MEAK7: variants seen among roughly 807,000 people sequenced by gnomAD.
MEAK7 encodes MTOR-associated protein MEAK7.
MEAK7 carries 68 observed loss-of-function variants against 40.5 expected under a neutral mutation model. That is an observed-to-expected ratio of 1.68 (90% CI 1.38 to 2.06). The LOEUF is 2.06. MEAK7 is among the 30% of genes most tolerant of loss of function. The pLI, the probability that MEAK7 is intolerant of heterozygous loss-of-function variation, is 0.00. For synonymous variants in MEAK7, 338 were observed against 231.9 expected (o/e 1.46, Z -4.16); for missense variants, 918 against 580.5 (o/e 1.58, Z -5.98).
At chr16:84,488,967 A>C (rs1913329500) in intron 4 of MEAK7, among the ~76,000 whole-genome samples, 1 of 152,214 alleles carries the variant, frequency 6.6e-6, no homozygotes, top group Non-Finnish European at 1.5e-5. Context: ...AAGACAACAG[A>C]AAATTAATGA....
rs150492312 is a variant in MEAK7 at position 84,480,541 on chromosome 16, T to C, written c.1245A>G (p.Ser415=). 2.6e-5 allele frequency: 42 copies of C among 1,611,160 alleles called. No individual in the cohort carries two copies. Among genetic ancestry groups the C allele is most frequent in the Non-Finnish European group, 3.5e-5 (41 of 1,178,800 alleles). The part of the protein sequence containing the change: ...KMEVWAVGDP[S]EEQLAKGNKS... ...CAGCTCCACTCACCAACTGCTCCTC[T>C]GAGGGGTCTCCAACCGCCCACACCT... The change falls in exon 7 of 8, where the codon TCA becomes TCG. Residue 415 remains serine, a synonymous_variant. Transcript: ENST00000343629.
At chr16:84,490,996 AC>A (rs1420948367) in intron 3 of MEAK7, among the ~76,000 whole-genome samples, 1 of 152,094 alleles carries the variant, frequency 6.6e-6, no homozygotes. Flanking sequence ...CTACTGTGTT[AC>A]CTGATTTTTG....
Position 84,480,015 on chromosome 16 carries a change from G to C in MEAK7, c.1269C>G (p.Asn423Lys). Residue 423 changes from asparagine (N) to lysine (K), a missense_variant, in exon 8 of 8, where the codon AAC becomes AAG. By Grantham distance (94) the Asn-to-Lys change is moderately conservative. Transcript: ENST00000343629. ...DPSEEQLAKG[N>K]KSILDADPEA... is the part of the protein sequence containing the mutation. Reference sequence around the variant, plus strand: ...CAGGGTCCGCATCCAGGATGCTCTTGTTGCCCTTGGCCTTGAGAAGAGAAG... The same window carrying C: ...CAGGGTCCGCATCCAGGATGCTCTTCTTGCCCTTGGCCTTGAGAAGAGAAG... 1 of 1,601,572 alleles carries C rather than the reference G, an allele frequency of 6.2e-7. No homozygotes were observed. Among genetic ancestry groups the C allele is most frequent in the Non-Finnish European group, 8.5e-7 (1 of 1,171,568 alleles).
At chr16:84,491,208 G>A (rs1913568955) in intron 3 of MEAK7, among the ~76,000 whole-genome samples, 1 of 152,226 alleles carries the variant, frequency 6.6e-6, no homozygotes, top group Non-Finnish European at 1.5e-5. Context: ...GGGAGGCCAA[G>A]GCGAGTGGAT....
chr16:84,493,639 C>G (rs1206086620), intron 3 of MEAK7, among the ~76,000 whole-genome samples: 2 of 152,126 alleles, frequency 1.3e-5, no homozygotes, highest in Non-Finnish European at 2.9e-5. Context: ...TTCTGTCTAC[C>G]TAATTTCTCT....
Position 84,489,429 on chromosome 16 carries a change from G to T in MEAK7, c.385-7C>A, listed in dbSNP as rs761859108. On this transcript the variant is annotated splice_region_variant and splice_polypyrimidine_tract_variant and intron_variant, in intron 3 of 7. Coordinates refer to ENST00000343629, the MANE Select transcript of MEAK7 (RefSeq NM_020947.4). The stretch of plus-strand genomic sequence containing the variant: ...CAACCAGATCCTCTGTAAACTGTAA[G>T]ATCACAATTTTACCATTAAAAACAG... 6.2e-7 allele frequency: 1 copy of T among 1,601,758 alleles called. No homozygotes were observed. The highest frequency in any genetic ancestry group is 1.3e-5 in the African/African-American group (1 of 74,390).
At chr16:84,497,582 T>G in intron 2 of MEAK7, 1 of 1,306,384 alleles carries the variant, frequency 7.7e-7, no homozygotes. Context: ...CCTCTGATGT[T>G]CATCTCAAGT....
At chr16:84,488,303 T>C (rs1484888728) in intron 4 of MEAK7, 1 of 152,136 alleles carries the variant, frequency 6.6e-6, no homozygotes, top group Non-Finnish European at 1.5e-5. Context: ...TCCAAATACC[T>C]CATCTAAACT....
intron 3 of MEAK7, among the ~76,000 whole-genome samples, chr16:84,493,017 G>C (rs577759323): frequency 6.6e-6 from 1 of 152,168 alleles, no homozygotes; most frequent in East Asian, 1.9e-4. Flanking sequence ...GGCTTACTTG[G>C]TATAATACAA....
chr16:84,500,173 T>A (rs984624910), intron 1 of MEAK7: 2 of 152,216 alleles, frequency 1.3e-5, no homozygotes, highest in African/African-American at 2.4e-5. Flanking sequence ...TGATTAGTAT[T>A]TTGTTGTATG....
At position 84,479,945 on chromosome 16, in the gene MEAK7, C is replaced by A. The variant is rs762756945; in HGVS notation, c.1339G>T (p.Glu447Ter). 6.2e-7 allele frequency: 1 copy of A among 1,609,938 alleles called. No homozygotes were observed. The highest frequency in any genetic ancestry group is 2.2e-5 in the East Asian group (1 of 44,742). ...LEISGHSRHS[E>*]GLREVPDDE ...TCGTCCGGGACTTCCCGGAGCCCTT[C>A]GCTGTGGCGCGAATGCCCACTGATC... The change falls in exon 8 of 8, where the codon GAA becomes TAA. Residue 447 changes from glutamate (E) to a stop codon, truncating the protein, a stop_gained. Transcript: ENST00000343629. LOFTEE classifies it high-confidence loss of function.
At chr16:84,497,828 G>C in intron 2 of MEAK7, 106 bp downstream of exon 2, 1 of 1,512,482 alleles carries the variant, frequency 6.6e-7, no homozygotes, top group Non-Finnish European at 9.1e-7. Context: ...TTTCAGTGTT[G>C]CCATCCATCC....
intron 1 of MEAK7, among the ~76,000 whole-genome samples, chr16:84,502,479 A>T (rs1346211891): frequency 1.3e-5 from 2 of 152,088 alleles, no homozygotes; most frequent in African/African-American, 4.8e-5. Flanking sequence ...ATACAAGGGA[A>T]CCCACAGAAG....
At chr16:84,503,468 G>A (rs891592457) in intron 1 of MEAK7, among the ~76,000 whole-genome samples, 2 of 152,134 alleles carry the variant, frequency 1.3e-5, no homozygotes, top group Admixed American at 6.5e-5. Context: ...TATAATCAGA[G>A]TTGAGCCCAA....
rs148711218 is a variant in MEAK7, at chr16:84,486,900, A to G, written c.689T>C (p.Leu230Pro). The change falls in exon 5 of 8, where the codon CTG becomes CCG. Residue 230 changes from leucine to proline, a missense_variant. Leu to Pro is a moderately conservative substitution (Grantham distance 98, BLOSUM62 -3). Coordinates refer to ENST00000343629, the MANE Select transcript of MEAK7 (RefSeq NM_020947.4). ...CTGGTCCACTTGACGCTCAGGGACC[A>G]GGGTAGTCAGATCAAGAGACGAGCA... ...ILCSSLDLTTLVPERQVDQGR... is the reference protein window; with the variant it reads ...ILCSSLDLTTPVPERQVDQGR... The G allele has an allele frequency of 1.1e-3, 1,742 of 1,614,230 alleles. 22 individuals carry two copies. The Admixed American group carries it at 0.023, about 21-fold the overall frequency.
chr16:84,490,580 G>A (rs907626057), intron 3 of MEAK7, among the ~76,000 whole-genome samples: 2 of 146,198 alleles, frequency 1.4e-5, no homozygotes, highest in Non-Finnish European at 3.0e-5. Context: ...GGTAAAATAC[G>A]GTAGTAAAAG....
rs73249707 is a variant in MEAK7 at position 84,476,713 on chromosome 16, C to G, written c.*3200G>C. The G allele has an allele frequency of 6.6e-6, 1 of 152,058 alleles. No homozygotes were observed. The highest frequency in any genetic ancestry group is 1.5e-5 in the Non-Finnish European group (1 of 68,038). 9.4% of individuals were successfully genotyped at this position (152,058 alleles called of 1,614,324 possible). ...ACGGACCTCCCTTTAAAAAAGAAAGCGAGGGACACATCAGTGTGTAAAAGA... is the reference window on the plus strand; with the variant it reads ...ACGGACCTCCCTTTAAAAAAGAAAGGGAGGGACACATCAGTGTGTAAAAGA... On this transcript the variant is annotated 3_prime_UTR_variant, in exon 8 of 8. Transcript: ENST00000343629.
chr16:84,502,373 G>A (rs8050383), intron 1 of MEAK7, among the ~76,000 whole-genome samples: 12,863 of 152,052 alleles, frequency 0.085, 1,403 homozygotes, highest in African/African-American at 0.25. Context: ...GCCTTACGAC[G>A]AGGAAGTGTC....
chr16:84,479,896 A>C lies in MEAK7; in HGVS notation c.*17T>G. The C allele has an allele frequency of 2.0e-5, 31 of 1,571,808 alleles. No individual in the cohort carries two copies. Among genetic ancestry groups the C allele is most frequent in the Non-Finnish European group, 2.6e-5 (30 of 1,152,924 alleles). On this transcript the variant is annotated 3_prime_UTR_variant, in exon 8 of 8. Transcript: ENST00000343629. ...GAGGAATCCAGGTCCTGGCTCCAGG[A>C]AGGCTCAGGCGGCTCCTCATTCATC...
Sources: gnomAD v4.1 joint callset for allele counts (sites outside exome capture counted in the v4.1 genomes callset) on GRCh38, gnomAD v4.1.1 for gene constraint, MANE v1.5 for transcripts, NCBI Gene and HGNC (gene_info 2026-07-23, HGNC 2026-07-21) for gene names.